Variants in KIAA2012 observed in about 807,000 individuals in gnomAD.
KIAA2012 encodes uncharacterized protein KIAA2012.
A neutral mutation model predicts 150.6 loss-of-function variants in KIAA2012; 125 were observed. The ratio of observed to expected loss-of-function variants is 0.83; its 90% CI spans 0.72 to 0.96. The LOEUF (loss-of-function observed/expected upper bound fraction) is 0.96, where lower values mean the gene tolerates loss of function less well. Among genes scored for constraint, KIAA2012 ranks in the 40% least tolerant of loss-of-function variants. The pLI is 0.00. For synonymous variants in KIAA2012, 462 were observed against 504.7 expected (o/e 0.92, Z 1.13); for missense variants, 1,219 against 1,354.9 (o/e 0.90, Z 1.57).
chr2:202,192,202 C>T (rs1275891860), intron 19 of KIAA2012, among the ~76,000 whole-genome samples: 1 of 152,154 alleles, frequency 6.6e-6, no homozygotes, highest in Non-Finnish European at 1.5e-5. Context: ...TAATACTATG[C>T]TGCCTCTGCA....
chr2:202,109,916 T>G (rs1690302910), intron 10 of KIAA2012, 127 bp downstream of exon 10: 1 of 789,128 alleles, frequency 1.3e-6, no homozygotes, highest in Admixed American at 3.0e-5. Context: ...ATTGACACTG[T>G]TTCTGATGAT....
At position 202,166,465 on chromosome 2, in the gene KIAA2012, C is replaced by T. The variant is rs115550093; in HGVS notation, c.2119+1109C>T. ...GTCAGGAGTCTGATACCAGACTAGG[C>T]AACACAACAAGATCCTGTCTCTACA... On this transcript the variant is annotated intron_variant, in intron 15 of 23. Transcript: ENST00000498697. Among the ~76,000 whole-genome samples the T allele has an allele frequency of 7.5e-3, 1,136 of 152,112 alleles. 2 individuals carry two copies. The highest frequency in any genetic ancestry group is 0.013 in the Non-Finnish European group (871 of 68,002).
intron 21 of KIAA2012, among the ~76,000 whole-genome samples, chr2:202,194,770 T>C (rs1445553255): frequency 7.2e-5 from 11 of 152,064 alleles, no homozygotes; most frequent in Non-Finnish European, 1.5e-5. Flanking sequence ...TTTGTTTGTT[T>C]TTGTTTTTGT....
intron 15 of KIAA2012, among the ~76,000 whole-genome samples, chr2:202,183,617 C>T (rs980387750): frequency 4.0e-5 from 6 of 151,546 alleles, no homozygotes; most frequent in African/African-American, 1.5e-4. Context: ...TATTCTCTTG[C>T]CTCAGCCTCC....
At chr2:202,143,977 G>GAT (rs1276393485) in intron 13 of KIAA2012, among the ~76,000 whole-genome samples, 1 of 152,206 alleles carries the variant, frequency 6.6e-6, no homozygotes, top group African/African-American at 2.4e-5. Flanking sequence ...CTTGTTTATA[G>GAT]AGCTGTCAGG....
intron 15 of KIAA2012, among the ~76,000 whole-genome samples, chr2:202,182,808 C>T (rs2105739949): frequency 6.6e-6 from 1 of 152,316 alleles, no homozygotes; most frequent in African/African-American, 2.4e-5. Flanking sequence ...GTTCCAGTTC[C>T]TCCACATCCT....
rs1690429198 is a variant in KIAA2012 at position 202,113,380 on chromosome 2, G to C, written c.1696G>C (p.Asp566His). The C allele has an allele frequency of 6.4e-7, 1 of 1,550,562 alleles. No homozygotes were observed. Among genetic ancestry groups the C allele is most frequent in the Admixed American group, 2.0e-5 (1 of 50,982 alleles). ...PTLGHFLLGPDGEKVCLSLPG... is the reference protein window; with the variant it reads ...PTLGHFLLGPHGEKVCLSLPG... ...ACTGGGACACTTCTTGCTGGGTCCA[G>C]ATGGAGAAAAAGTCTGCCTGTCCCT... Residue 566 changes from aspartate to histidine, a missense_variant, in exon 11 of 24, where the codon GAT becomes CAT. Transcript: ENST00000498697.
chr2:202,101,357 A>G (rs183416302), intron 7 of KIAA2012, among the ~76,000 whole-genome samples: 92 of 152,292 alleles, frequency 6.0e-4, no homozygotes, highest in African/African-American at 2.2e-3. Context: ...AAACCTTTCC[A>G]TCCACACCAG....
intron 17 of KIAA2012, among the ~76,000 whole-genome samples, chr2:202,187,409 A>G (rs1423735568): frequency 1.3e-5 from 2 of 151,930 alleles, no homozygotes; most frequent in Admixed American, 6.6e-5. Context: ...GGTTCAAGTG[A>G]TTCTCCTGCC....
chr2:202,125,930 G>A (rs56293728), intron 12 of KIAA2012: 91,483 of 310,944 alleles, frequency 0.29, 13,335 homozygotes, highest in South Asian at 0.35. Context: ...TGGTGTTCCT[G>A]GCTGCTTTTT....
At chr2:202,182,068 A>G (rs948705244) in intron 15 of KIAA2012, among the ~76,000 whole-genome samples, 36 of 145,668 alleles carry the variant, frequency 2.5e-4, no homozygotes, top group African/African-American at 8.9e-4. Context: ...AGAATTTTAT[A>G]TAAATGGAAT....
At chr2:202,193,266 C>G (rs1457308859) in intron 19 of KIAA2012, 35 bp from the exon 20 acceptor site, 1 of 1,539,118 alleles carries the variant, frequency 6.5e-7, no homozygotes, top group African/African-American at 1.4e-5. Flanking sequence ...ACAGACCCAT[C>G]TGTTTATTGC....
At chr2:202,102,875 T>C in intron 7 of KIAA2012, 71 bp from the exon 8 acceptor site, 1 of 1,363,096 alleles carries the variant, frequency 7.3e-7, no homozygotes, top group Non-Finnish European at 1.0e-6. Context: ...TAAGAGACAG[T>C]ATCGTTTGCC....
intron 15 of KIAA2012, among the ~76,000 whole-genome samples, chr2:202,172,446 A>G (rs1396310712): frequency 2.0e-5 from 3 of 152,256 alleles, no homozygotes; most frequent in Non-Finnish European, 2.9e-5. Context: ...TTAAGCCAGC[A>G]TGAATCTTGG....
intron 12 of KIAA2012, chr2:202,136,439 A>G (rs915441466): frequency 6.6e-6 from 1 of 152,538 alleles, no homozygotes. Context: ...CTTTAGCTAG[A>G]CACAGATTGC....
At chr2:202,100,499 A>G (rs6726731) in intron 7 of KIAA2012, 50 bp downstream of exon 7, 791,554 of 1,493,776 alleles carry the variant, frequency 0.53, 212,737 homozygotes, top group African/African-American at 0.59. Context: ...GAGAGGAGGG[A>G]AGAGAGAAAG....
At chr2:202,177,039 A>G (rs1304306668) in intron 15 of KIAA2012, among the ~76,000 whole-genome samples, 1 of 152,198 alleles carries the variant, frequency 6.6e-6, no homozygotes, top group Admixed American at 6.5e-5. Flanking sequence ...AATAATCAAA[A>G]TGGCCACCAA....
chr2:202,078,492 T>C (rs1296415385), intron 2 of KIAA2012, among the ~76,000 whole-genome samples: 3 of 152,166 alleles, frequency 2.0e-5, no homozygotes, highest in Non-Finnish European at 2.9e-5. Context: ...TCTAGCTCTG[T>C]TGCCCAAGCT....
intron 13 of KIAA2012, among the ~76,000 whole-genome samples, chr2:202,146,291 T>G (rs1691292647): frequency 6.6e-6 from 1 of 151,980 alleles, no homozygotes; most frequent in African/African-American, 2.4e-5. Flanking sequence ...TTACTTGAGC[T>G]CAGGAGTTTG....
Sources: gnomAD v4.1 joint callset for allele counts (sites outside exome capture counted in the v4.1 genomes callset) on GRCh38, gnomAD v4.1.1 for gene constraint, MANE v1.5 for transcripts, NCBI Gene and HGNC (gene_info 2026-07-23, HGNC 2026-07-21) for gene names.